Variants in DISC1 observed in about 807,000 individuals in gnomAD.
The protein encoded by DISC1 is DISC1 scaffold protein.
In DISC1, 57 loss-of-function variants were observed where a neutral mutation model predicts 84.5. The ratio of observed to expected loss-of-function variants is 0.67; its 90% CI spans 0.55 to 0.84. DISC1 has a LOEUF of 0.84. Ranked by LOEUF, DISC1 falls within the 40% of genes least tolerant of loss-of-function variation. The pLI, the probability that DISC1 is intolerant of heterozygous loss-of-function variation, is 0.00. For synonymous variants in DISC1, 411 were observed against 415.2 expected (o/e 0.99, Z 0.12); for missense variants, 1,000 against 1,057.8 (o/e 0.95, Z 0.76).
chr1:231,958,762 T>C (rs373358168), intron 9 of DISC1, 66 bp from the exon 10 acceptor site: 1 of 1,506,558 alleles, frequency 6.6e-7, no homozygotes, highest in African/African-American at 1.4e-5. Flanking sequence ...GAGCTTTTAG[T>C]TGAATGGTTT....
chr1:231,713,736 CATATATATAGGAGAT>C (rs1177671499), intron 3 of DISC1, among the ~76,000 whole-genome samples: 32,239 of 113,556 alleles, frequency 0.28, 4,951 homozygotes, highest in East Asian at 0.35. Flanking sequence ...GAGATATATA[CATATATATAGGAGAT>C]ATATATATAG....
chr1:231,997,975 T>C (rs1666170243), intron 10 of DISC1, among the ~76,000 whole-genome samples: 1 of 152,246 alleles, frequency 6.6e-6, no homozygotes, highest in Non-Finnish European at 1.5e-5. Flanking sequence ...GCATGGTTAT[T>C]GAAGTAGACA....
chr1:231,932,783 G>C (rs1330244448), intron 9 of DISC1, among the ~76,000 whole-genome samples: 1 of 152,114 alleles, frequency 6.6e-6, no homozygotes, highest in Non-Finnish European at 1.5e-5. Flanking sequence ...ATTTAAAATT[G>C]AATAATGTAT....
intron 12 of DISC1, among the ~76,000 whole-genome samples, chr1:232,030,766 G>C (rs1313709375): frequency 6.6e-6 from 1 of 152,158 alleles, no homozygotes; most frequent in African/African-American, 2.4e-5. Context: ...TGAGGGGCTG[G>C]AAGAGGGATC....
At chr1:231,951,237 ATTCAAATGTGGCT>A (rs1658317698) in intron 9 of DISC1, among the ~76,000 whole-genome samples, 2 of 152,330 alleles carry the variant, frequency 1.3e-5, no homozygotes, top group South Asian at 4.1e-4. Context: ...TTACTTCCAC[ATTCAAATGTGGCT>A]ATTAGGGCAG....
chr1:231,869,680 A>G (rs1025934837), intron 9 of DISC1, among the ~76,000 whole-genome samples: 59 of 152,018 alleles, frequency 3.9e-4, no homozygotes, highest in African/African-American at 1.3e-3. Context: ...CCCCCGAGGG[A>G]GAGTATTAAT....
At chr1:231,699,028 G>T (rs549645567) in intron 2 of DISC1, among the ~76,000 whole-genome samples, 1 of 152,306 alleles carries the variant, frequency 6.6e-6, no homozygotes, top group Admixed American at 6.5e-5. Flanking sequence ...ACAAAATTGT[G>T]TTTTTTGCGT....
At chr1:232,004,440 CAA>C (rs2102978422) in intron 10 of DISC1, among the ~76,000 whole-genome samples, 1 of 151,618 alleles carries the variant, frequency 6.6e-6, no homozygotes, top group African/African-American at 2.4e-5. Flanking sequence ...AAACATGTAA[CAA>C]TACATTTGAA....
intron 9 of DISC1, among the ~76,000 whole-genome samples, chr1:231,843,941 G>A (rs530080527): frequency 1.3e-5 from 2 of 152,278 alleles, no homozygotes; most frequent in Non-Finnish European, 2.9e-5. Flanking sequence ...AATTAGAGCC[G>A]TGCAGATAGA....
At chr1:232,032,714 C>T (rs976121042) in intron 12 of DISC1, among the ~76,000 whole-genome samples, 13 of 152,188 alleles carry the variant, frequency 8.5e-5, no homozygotes, top group Admixed American at 5.9e-4. Context: ...GAGGCCTATT[C>T]TTGCAATTAG....
chr1:231,854,456 C>A (rs1383131149), intron 9 of DISC1, among the ~76,000 whole-genome samples: 1 of 152,140 alleles, frequency 6.6e-6, no homozygotes, highest in African/African-American at 2.4e-5. Flanking sequence ...CCATATAGTT[C>A]TTTTATATAA....
intron 11 of DISC1, among the ~76,000 whole-genome samples, 179 bp from the exon 12 acceptor site, chr1:232,026,256 G>T (rs1669455439): frequency 6.6e-6 from 1 of 152,120 alleles, no homozygotes; most frequent in Admixed American, 6.5e-5. Flanking sequence ...CTCATTCTTT[G>T]GTCATAACTT....
intron 9 of DISC1, among the ~76,000 whole-genome samples, chr1:231,901,235 T>C (rs2088149716): frequency 6.6e-6 from 1 of 152,180 alleles, no homozygotes; most frequent in Non-Finnish European, 1.5e-5. Context: ...AACGTCAATT[T>C]CAGAATATGG....
At chr1:231,809,410 T>TG (rs907232369) in intron 8 of DISC1, among the ~76,000 whole-genome samples, 40 of 151,820 alleles carry the variant, frequency 2.6e-4, no homozygotes, top group Non-Finnish European at 5.2e-4. Flanking sequence ...TATTTTTTTT[T>TG]TATCTCACCT....
chr1:231,890,555 G>T (rs1421029550), intron 9 of DISC1, among the ~76,000 whole-genome samples: 1 of 152,182 alleles, frequency 6.6e-6, no homozygotes, highest in Admixed American at 6.5e-5. Context: ...AATGCTTATT[G>T]CCAGGGGCTC....
intron 1 of DISC1, among the ~76,000 whole-genome samples, chr1:231,658,137 G>T (rs569823447): frequency 2.0e-5 from 3 of 152,260 alleles, no homozygotes; most frequent in African/African-American, 7.2e-5. Context: ...CCATTTGTTT[G>T]TGTCCTGTAC....
chr1:231,979,797 A>T (rs1356115499), intron 10 of DISC1, among the ~76,000 whole-genome samples: 5 of 151,908 alleles, frequency 3.3e-5, no homozygotes, highest in African/African-American at 1.2e-4. Flanking sequence ...TAATACTATA[A>T]AAACAACTTA....
chr1:231,950,245 T>TGTGTGTGTGTGA (rs1406163506), intron 9 of DISC1, among the ~76,000 whole-genome samples: 2 of 149,134 alleles, frequency 1.3e-5, no homozygotes, highest in Admixed American at 6.7e-5. Context: ...TGTGTGTGTG[T>TGTGTGTGTGTGA]GTGATGCCCA....
At chr1:231,889,821 C>T (rs186798741) in intron 9 of DISC1, among the ~76,000 whole-genome samples, 22 of 152,114 alleles carry the variant, frequency 1.4e-4, no homozygotes, top group African/African-American at 4.1e-4. Context: ...CTGTCATAGA[C>T]GACACTGTGT....
Sources: allele counts gnomAD v4.1 joint callset (sites outside exome capture counted in the v4.1 genomes callset), GRCh38; gene constraint gnomAD v4.1.1; transcripts MANE v1.5; gene names NCBI Gene and HGNC (gene_info 2026-07-23, HGNC 2026-07-21).